The following UGT1A8 variants were observed in gnomAD, a reference collection of about 807,000 sequenced individuals.
The protein encoded by UGT1A8 is UDP glucuronosyltransferase family 1 member A8.
Under a neutral mutation model 45.3 loss-of-function variants are expected in UGT1A8, and 39 were observed. That is an observed-to-expected ratio of 0.86 (90% confidence interval 0.67 to 1.12). UGT1A8 has a LOEUF of 1.12. Ranked by LOEUF, UGT1A8 falls within the 50% of genes most tolerant of loss-of-function variation. The pLI, the probability that UGT1A8 is intolerant of heterozygous loss-of-function variation, is 0.00. For missense variants in UGT1A8, 719 were observed against 664.9 expected, an observed-to-expected ratio of 1.08 and a Z score of -0.90; for synonymous variants, 275 against 249.2, an observed-to-expected ratio of 1.10 and a Z score of -0.97.
intron 1 of UGT1A8, among the ~76,000 whole-genome samples, chr2:233,749,118 C>G (rs1694113620): frequency 6.6e-6 from 1 of 151,770 alleles, no homozygotes; most frequent in Non-Finnish European, 1.5e-5. Context: ...CTTTTTATGT[C>G]ATATTCACTG....
chr2:233,688,115 T>A (rs2074878398), intron 1 of UGT1A8, among the ~76,000 whole-genome samples: 1 of 152,140 alleles, frequency 6.6e-6, no homozygotes, highest in Non-Finnish European at 1.5e-5. Context: ...CTTCTACCCC[T>A]CAGCACTAAT....
At chr2:233,687,531 G>T (rs551653016) in intron 1 of UGT1A8, among the ~76,000 whole-genome samples, 2 of 146,212 alleles carry the variant, frequency 1.4e-5, no homozygotes, top group South Asian at 4.4e-4. Context: ...CTTGCCCAAG[G>T]TTATGCCTCA....
chr2:233,768,048 T>A, intron 3 of UGT1A8, 112 bp downstream of exon 3: 1 of 1,607,556 alleles, frequency 6.2e-7, no homozygotes, highest in Non-Finnish European at 8.5e-7. Flanking sequence ...GGCCAACATA[T>A]CCTACATTGC....
chr2:233,722,742 T>C (rs1475183265), intron 1 of UGT1A8, among the ~76,000 whole-genome samples: 1 of 152,178 alleles, frequency 6.6e-6, no homozygotes, highest in African/African-American at 2.4e-5. Flanking sequence ...TTTGATGCAG[T>C]GACTGTCTAT....
At chr2:233,723,204 CA>C (rs978945300) in intron 1 of UGT1A8, among the ~76,000 whole-genome samples, 1 of 125,334 alleles carries the variant, frequency 8.0e-6, no homozygotes, top group African/African-American at 3.4e-5. Context: ...TAAAAAAAGT[CA>C]AAACTGACTT....
chr2:233,631,269 T>C (rs2073181481), intron 1 of UGT1A8, among the ~76,000 whole-genome samples: 1 of 152,192 alleles, frequency 6.6e-6, no homozygotes, highest in African/African-American at 2.4e-5. Context: ...GTTCCAAGTC[T>C]TTGCTATTGT....
intron 1 of UGT1A8, among the ~76,000 whole-genome samples, chr2:233,642,156 G>A (rs996576230): frequency 6.6e-5 from 10 of 152,108 alleles, no homozygotes; most frequent in Admixed American, 2.0e-4. Context: ...TTGCCCCTTT[G>A]AGGCTATTTT....
At chr2:233,767,818 C>T (rs766005162) in intron 2 of UGT1A8, 31 bp from the exon 3 acceptor site, 60 of 1,614,028 alleles carry the variant, frequency 3.7e-5, no homozygotes, top group Non-Finnish European at 4.5e-5. Context: ...TATGTTCTTT[C>T]TTTACGTTCT....
chr2:233,744,366 G>A (rs1692789065), intron 1 of UGT1A8, among the ~76,000 whole-genome samples: 1 of 151,836 alleles, frequency 6.6e-6, no homozygotes, highest in South Asian at 2.1e-4. Context: ...TGTTGTTTAG[G>A]ACTGCAGTTC....
At chr2:233,656,278 A>G (rs1281888083) in intron 1 of UGT1A8, among the ~76,000 whole-genome samples, 1 of 152,236 alleles carries the variant, frequency 6.6e-6, no homozygotes, top group Non-Finnish European at 1.5e-5. Flanking sequence ...CAGGGCACAA[A>G]GGCACTCAAA....
At chr2:233,636,793 A>G (rs2073303101) in intron 1 of UGT1A8, 1 of 1,614,198 alleles carries the variant, frequency 6.2e-7, no homozygotes, top group Non-Finnish European at 8.5e-7. Flanking sequence ...CCGGGAATTC[A>G]TGGTTTTCGC....
At chr2:233,732,694 G>A (rs2078300923) in intron 1 of UGT1A8, among the ~76,000 whole-genome samples, 1 of 150,038 alleles carries the variant, frequency 6.7e-6, no homozygotes, top group Non-Finnish European at 1.5e-5. Flanking sequence ...CACCCATGCT[G>A]TTTTGTTACT....
At chr2:233,686,635 G>A (rs945747256) in intron 1 of UGT1A8, among the ~76,000 whole-genome samples, 1 of 152,022 alleles carries the variant, frequency 6.6e-6, no homozygotes, top group Admixed American at 6.5e-5. Flanking sequence ...TCTTGATAAT[G>A]TGATATCAAA....
Position 233,674,345 on chromosome 2 carries a change from T to C in UGT1A8, c.855+55783T>C, listed in dbSNP as rs45539636. Among the ~76,000 whole-genome samples the C allele has an allele frequency of 2.4e-3, 364 of 152,320 alleles. 1 individual carries two copies. Among genetic ancestry groups the C allele is most frequent in the Non-Finnish European group, 4.1e-3 (276 of 68,034 alleles). ...CTAGGAGATGCAAATGGCAGAAATC[T>C]AAGAGGTTAGACTTGTCTAAGCACT... is the stretch of plus-strand genomic sequence containing the variant. On this transcript the variant is annotated intron_variant, in intron 1 of 4. Transcript: ENST00000373450.
chr2:233,690,599 A>G, intron 1 of UGT1A8: 1 of 1,289,594 alleles, frequency 7.8e-7, no homozygotes. Flanking sequence ...AAAAAAAAAA[A>G]ATCGGCCTTT....
chr2:233,729,695 C>A, intron 1 of UGT1A8: 1 of 1,613,928 alleles, frequency 6.2e-7, no homozygotes, highest in South Asian at 1.1e-5. Flanking sequence ...TGTCCAAACC[C>A]TTCCTCCTAT....
chr2:233,682,455 T>C (rs769051709), intron 1 of UGT1A8: 6 of 1,613,820 alleles, frequency 3.7e-6, no homozygotes. Context: ...AGGGGAATAT[T>C]TTGCCACTAT....
intron 1 of UGT1A8, chr2:233,693,464 C>T: frequency 6.2e-7 from 1 of 1,614,126 alleles, no homozygotes; most frequent in Non-Finnish European, 8.5e-7. Flanking sequence ...CCCAGCCTTA[C>T]CCTGTGGGGT....
chr2:233,772,643 T>C lies in UGT1A8; in HGVS notation c.*84T>C, dbSNP rs78684540. ...AAAACAGAATCAGTGTTAAATTCAT[T>C]TTATTCTTATTAAGGAAATACTTTG... is the stretch of plus-strand genomic sequence containing the variant. On this transcript the variant is annotated 3_prime_UTR_variant, in exon 5 of 5. Transcript: ENST00000373450. The C allele has an allele frequency of 4.5e-5, 70 of 1,550,640 alleles. No homozygotes were observed. The East Asian group carries it at 1.3e-3, about 28-fold the overall frequency.
Sources: allele counts gnomAD v4.1 joint callset (sites outside exome capture counted in the v4.1 genomes callset), GRCh38; gene constraint gnomAD v4.1.1; transcripts MANE v1.5; gene names NCBI Gene and HGNC (gene_info 2026-07-23, HGNC 2026-07-21).